ANKS1B: variants seen among roughly 807,000 people sequenced by gnomAD.
ANKS1B encodes ankyrin repeat and sterile alpha motif domain-containing protein 1B.
Under a neutral mutation model 148.3 loss-of-function variants are expected in ANKS1B, and 36 were observed. The observed-to-expected ratio is 0.24, with a 90% confidence interval of 0.19 to 0.32. The LOEUF (loss-of-function observed/expected upper bound fraction) is 0.32, where lower values mean the gene tolerates loss of function less well. Among genes scored for constraint, ANKS1B ranks in the 10% least tolerant of loss-of-function variants. The pLI is 1.00. For missense variants in ANKS1B, 1,157 were observed against 1,542.6 expected, an observed-to-expected ratio of 0.75 and a Z score of 4.19; for synonymous variants, 542 against 560.8, an observed-to-expected ratio of 0.97 and a Z score of 0.47.
intron 17 of ANKS1B, among the ~76,000 whole-genome samples, chr12:98,921,503 C>T (rs1325474326): frequency 1.3e-5 from 2 of 152,082 alleles, no homozygotes; most frequent in Non-Finnish European, 2.9e-5. Flanking sequence ...CAAGCAGCTC[C>T]GTGTGTTTTC....
chr12:99,594,112 C>A (rs189502003), intron 9 of ANKS1B, among the ~76,000 whole-genome samples: 16 of 152,088 alleles, frequency 1.1e-4, no homozygotes, highest in African/African-American at 3.9e-4. Flanking sequence ...TATTTATCTG[C>A]CTCATAGGGT....
intron 9 of ANKS1B, among the ~76,000 whole-genome samples, chr12:99,652,641 C>G (rs1048201901): frequency 5.3e-5 from 8 of 151,966 alleles, no homozygotes; most frequent in African/African-American, 1.9e-4. Flanking sequence ...TTTTTAAACT[C>G]AACATAGTAC....
At position 98,977,662 on chromosome 12, in the gene ANKS1B, A is replaced by C. The variant is rs535871758; in HGVS notation, c.2778+75495T>G. 8.5e-5 allele frequency among the ~76,000 whole-genome samples: 13 copies of C among 152,316 alleles called. No homozygotes were observed. In the East Asian group the frequency reaches 2.1e-3, roughly 25 times the overall value. ...AACACATGGTTGTCACAGAACAAAA[A>C]ATTTTTGCTTTGAGAAAAATGAGAT... On this transcript the variant is annotated intron_variant, in intron 17 of 26. Coordinates refer to ENST00000683438, the MANE Select transcript of ANKS1B (RefSeq NM_001352186.2).
At chr12:99,901,803 T>C (rs2093609795) in intron 1 of ANKS1B, among the ~76,000 whole-genome samples, 1 of 150,026 alleles carries the variant, frequency 6.7e-6, no homozygotes, top group African/African-American at 2.5e-5. Context: ...TGGCAACTAA[T>C]GGCTATGTGA....
At chr12:99,257,583 G>T (rs2153978966) in intron 12 of ANKS1B, among the ~76,000 whole-genome samples, 1 of 151,720 alleles carries the variant, frequency 6.6e-6, no homozygotes, top group Non-Finnish European at 1.5e-5. Flanking sequence ...TAAATATTTT[G>T]TTTATATATA....
At chr12:99,931,336 T>C (rs2094609315) in intron 1 of ANKS1B, among the ~76,000 whole-genome samples, 1 of 151,120 alleles carries the variant, frequency 6.6e-6, no homozygotes, top group Non-Finnish European at 1.5e-5. Flanking sequence ...AAACTTAAAG[T>C]ATAATAATAA....
chr12:99,822,413 T>C (rs1304548189), intron 2 of ANKS1B, among the ~76,000 whole-genome samples: 1 of 152,210 alleles, frequency 6.6e-6, no homozygotes, highest in Non-Finnish European at 1.5e-5. Context: ...ACCTTGATAC[T>C]GAGGATAGTA....
chr12:98,929,688 A>T (rs576798474), intron 17 of ANKS1B, among the ~76,000 whole-genome samples: 10 of 152,234 alleles, frequency 6.6e-5, no homozygotes, highest in South Asian at 2.1e-4. Flanking sequence ...AGGTAATCCA[A>T]TGGAGGGGAA....
At chr12:98,990,426 T>G (rs2099925884) in intron 17 of ANKS1B, among the ~76,000 whole-genome samples, 1 of 151,896 alleles carries the variant, frequency 6.6e-6, no homozygotes, top group Admixed American at 6.6e-5. Flanking sequence ...GATGGAAAAT[T>G]CAAGAGTCAA....
intron 12 of ANKS1B, among the ~76,000 whole-genome samples, chr12:99,325,062 A>G (rs1054353967): frequency 6.6e-6 from 1 of 152,174 alleles, no homozygotes; most frequent in Non-Finnish European, 1.5e-5. Flanking sequence ...ATTTCAGTCA[A>G]TGATGGACTG....
intron 11 of ANKS1B, among the ~76,000 whole-genome samples, chr12:99,428,088 A>T (rs375459160): frequency 2.6e-5 from 4 of 152,368 alleles, no homozygotes; most frequent in African/African-American, 7.2e-5. Context: ...AATCATGTTG[A>T]CAATGTAATA....
intron 9 of ANKS1B, among the ~76,000 whole-genome samples, chr12:99,610,054 G>A (rs1456126770): frequency 1.3e-5 from 2 of 151,956 alleles, no homozygotes; most frequent in African/African-American, 2.4e-5. Context: ...GAAAAGGTAT[G>A]ACACCTTTCC....
chr12:99,271,963 A>G (rs1471133599), intron 12 of ANKS1B, among the ~76,000 whole-genome samples: 2 of 152,040 alleles, frequency 1.3e-5, no homozygotes, highest in East Asian at 3.9e-4. Flanking sequence ...AATAGAATAC[A>G]TGTCAGTGAA....
chr12:99,430,145 T>G (rs2095343715), intron 11 of ANKS1B, among the ~76,000 whole-genome samples: 1 of 151,748 alleles, frequency 6.6e-6, no homozygotes, highest in African/African-American at 2.4e-5. Context: ...AAAATAATAA[T>G]CATTTTAAAA....
intron 1 of ANKS1B, among the ~76,000 whole-genome samples, chr12:99,830,319 T>A (rs1158432354): frequency 6.6e-6 from 1 of 152,186 alleles, no homozygotes; most frequent in East Asian, 1.9e-4. Context: ...AATCTTCTTG[T>A]TCTTATTAAA....
intron 9 of ANKS1B, among the ~76,000 whole-genome samples, chr12:99,564,276 T>G (rs562977108): frequency 1.3e-5 from 2 of 151,940 alleles, no homozygotes; most frequent in African/African-American, 4.8e-5. Flanking sequence ...TACCAACCAA[T>G]AGCAGAACAG....
intron 6 of ANKS1B, 68 bp from the exon 7 acceptor site, chr12:99,775,729 T>C (rs558971992): frequency 1.1e-6 from 1 of 915,638 alleles, no homozygotes; most frequent in South Asian, 2.3e-5. Flanking sequence ...AATTTTAAGT[T>C]TTACTTCTGG....
intron 9 of ANKS1B, among the ~76,000 whole-genome samples, chr12:99,578,776 T>C (rs1356369255): frequency 2.0e-5 from 3 of 152,172 alleles, no homozygotes; most frequent in East Asian, 1.9e-4. Context: ...ATGCTGCCCA[T>C]AGCAATTTAC....
chr12:99,420,492 T>G (rs1038068355), intron 11 of ANKS1B, among the ~76,000 whole-genome samples: 1 of 152,192 alleles, frequency 6.6e-6, no homozygotes, highest in African/African-American at 2.4e-5. Context: ...CATAAAAATT[T>G]GTGTCATAAT....
Sources: gnomAD v4.1 joint callset for allele counts (sites outside exome capture counted in the v4.1 genomes callset) on GRCh38, gnomAD v4.1.1 for gene constraint, MANE v1.5 for transcripts, NCBI Gene and HGNC (gene_info 2026-07-23, HGNC 2026-07-21) for gene names.